Variants in MTHFD1L observed in about 807,000 individuals in gnomAD.
MTHFD1L encodes methylenetetrahydrofolate dehydrogenase (NADP+ dependent) 1 like, also known as monofunctional C1-tetrahydrofolate synthase, mitochondrial.
MTHFD1L carries 81 observed loss-of-function variants against 119.5 expected under a neutral mutation model. The observed-to-expected ratio is 0.68, with a 90% CI of 0.57 to 0.82. The LOEUF (loss-of-function observed/expected upper bound fraction) is 0.82, where lower values mean the gene tolerates loss of function less well. MTHFD1L is among the 40% of genes least tolerant of loss of function. The probability of loss-of-function intolerance (pLI) is 0.00; values close to 1 mark genes in which losing one functional copy is unlikely to be tolerated. For missense variants in MTHFD1L, 1,125 were observed against 1,253.4 expected (o/e 0.90, Z 1.55); for synonymous variants, 430 against 475.2 (o/e 0.90, Z 1.24).
chr6:151,090,257 C>T (rs553730096), intron 26 of MTHFD1L, among the ~76,000 whole-genome samples: 3 of 152,336 alleles, frequency 2.0e-5, no homozygotes, highest in South Asian at 2.1e-4. Context: ...CCCTCCCCTT[C>T]GCTCTCACCA....
intron 26 of MTHFD1L, among the ~76,000 whole-genome samples, chr6:151,037,518 C>T (rs559705371): frequency 1.3e-5 from 2 of 152,264 alleles, no homozygotes; most frequent in East Asian, 1.9e-4. Context: ...TGCCCAGTCA[C>T]CCCAAGGGCT....
intron 20 of MTHFD1L, among the ~76,000 whole-genome samples, chr6:150,991,921 A>G (rs2128445569): frequency 6.6e-6 from 1 of 152,300 alleles, no homozygotes; most frequent in Middle Eastern, 3.4e-3. Context: ...GTGTTCAAGG[A>G]ATCAAAATAG....
At chr6:150,911,444 A>T (rs1424108372) in intron 8 of MTHFD1L, among the ~76,000 whole-genome samples, 1 of 152,198 alleles carries the variant, frequency 6.6e-6, no homozygotes, top group Non-Finnish European at 1.5e-5. Flanking sequence ...CCATTCTCAC[A>T]CTGCTATAAA....
At chr6:151,093,672 A>T (rs1278047545) in intron 27 of MTHFD1L, among the ~76,000 whole-genome samples, 3 of 151,378 alleles carry the variant, frequency 2.0e-5, no homozygotes, top group Non-Finnish European at 4.4e-5. Context: ...AAAAAAAATC[A>T]CTCTCACAGG....
intron 19 of MTHFD1L, among the ~76,000 whole-genome samples, chr6:150,967,469 A>G (rs1035761224): frequency 6.6e-6 from 1 of 152,186 alleles, no homozygotes; most frequent in African/African-American, 2.4e-5. Context: ...CTTGTTTGGA[A>G]TATCATGCAC....
At chr6:151,008,818 T>C (rs1781765281) in intron 20 of MTHFD1L, among the ~76,000 whole-genome samples, 1 of 152,124 alleles carries the variant, frequency 6.6e-6, no homozygotes. Flanking sequence ...TTATTCTTAA[T>C]ATAAAGGGTA....
chr6:151,038,523 C>T (rs554746585), intron 26 of MTHFD1L, among the ~76,000 whole-genome samples: 3 of 152,266 alleles, frequency 2.0e-5, no homozygotes, highest in African/African-American at 7.2e-5. Context: ...TCTCTACACA[C>T]TGGGGAGCCA....
At chr6:151,069,278 T>C (rs955446844) in intron 26 of MTHFD1L, among the ~76,000 whole-genome samples, 5 of 150,916 alleles carry the variant, frequency 3.3e-5, no homozygotes, top group African/African-American at 4.9e-5. Flanking sequence ...TCTCTCTCTC[T>C]CTCCCTCCCT....
chr6:151,021,932 T>C, intron 24 of MTHFD1L: 1 of 452,418 alleles, frequency 2.2e-6, no homozygotes. Context: ...TCTGTATCCT[T>C]CCTCTAGCCT....
intron 17 of MTHFD1L, among the ~76,000 whole-genome samples, chr6:150,956,920 A>G (rs1795730351): frequency 6.6e-6 from 1 of 152,154 alleles, no homozygotes; most frequent in South Asian, 2.1e-4. Context: ...TAACTTACAC[A>G]CACACACACA....
intron 11 of MTHFD1L, chr6:150,934,823 C>A: frequency 9.6e-7 from 1 of 1,038,768 alleles, no homozygotes; most frequent in Non-Finnish European, 1.4e-6. Context: ...GTGCTTATCC[C>A]TCGTAGAAAT....
chr6:150,927,334 ATTG>A (rs924485788), intron 11 of MTHFD1L, among the ~76,000 whole-genome samples: 1 of 151,906 alleles, frequency 6.6e-6, no homozygotes, highest in African/African-American at 2.4e-5. Flanking sequence ...CTCACATGCT[ATTG>A]TGTAAGCAAC....
intron 12 of MTHFD1L, 139 bp from the exon 13 acceptor site, chr6:150,938,560 T>G: frequency 1.3e-6 from 1 of 784,350 alleles, no homozygotes; most frequent in Non-Finnish European, 2.2e-6. Flanking sequence ...ACCATTAGTG[T>G]CTCTCACTGC....
At chr6:151,049,091 C>T (rs1788570267) in intron 26 of MTHFD1L, among the ~76,000 whole-genome samples, 1 of 152,144 alleles carries the variant, frequency 6.6e-6, no homozygotes, top group Admixed American at 6.5e-5. Context: ...CACGGTGGCT[C>T]ATGCCTGTAA....
rs370218879 is a variant in MTHFD1L, at chr6:151,076,817, A to G, written c.2848-15650A>G. Among the ~76,000 whole-genome samples the G allele has an allele frequency of 3.9e-5, 6 of 152,152 alleles. No homozygotes were observed. In the East Asian group the frequency reaches 1.2e-3, roughly 29 times the overall value. On this transcript the variant is annotated intron_variant, in intron 26 of 27. Transcript: ENST00000367321. The stretch of plus-strand genomic sequence containing the variant: ...AGTGCACCTGCCATATAGTCAAGAC[A>G]TTCTCTTTCTAAATATTTACCCAAG...
chr6:151,018,491 C>T (rs1783477016), intron 24 of MTHFD1L, among the ~76,000 whole-genome samples: 1 of 152,176 alleles, frequency 6.6e-6, no homozygotes, highest in Non-Finnish European at 1.5e-5. Flanking sequence ...TAGGTGGAAA[C>T]TGGTGATATC....
In MTHFD1L at chr6:150,882,762, A is replaced by G. The variant is rs1781579690; in HGVS notation, c.418A>G (p.Ile140Val). Reference protein sequence around the residue: ...CLPPDSSEAEIIDEILKINED... With the variant: ...CLPPDSSEAEVIDEILKINED... ...TTTTGTTTTTTTGTTTTCTCTTTAG[A>G]TTATAGATGAAATCTTAAAGATCAA... The change falls in exon 5 of 28, where the codon ATT (isoleucine) becomes GTT (valine). Residue 140 changes from isoleucine to valine, a missense_variant and splice_region_variant. Transcript: ENST00000367321. The G allele has an allele frequency of 2.0e-6, 3 of 1,490,390 alleles. No individual in the cohort carries two copies. In the East Asian group the frequency reaches 7.8e-5, roughly 39 times the overall value. 92.3% of individuals were successfully genotyped at this position (1,490,390 alleles called of 1,614,324 possible). A position where few individuals can be genotyped will look rare whatever the true frequency, so the allele number is the denominator to read the frequency against.
intron 27 of MTHFD1L, among the ~76,000 whole-genome samples, chr6:151,096,045 A>G (rs1022750256): frequency 1.5e-4 from 23 of 152,146 alleles, no homozygotes; most frequent in African/African-American, 5.3e-4. Context: ...TATTACCCCA[A>G]CCTTTATGCC....
intron 26 of MTHFD1L, among the ~76,000 whole-genome samples, chr6:151,073,924 G>A (rs77668502): frequency 0.021 from 3,230 of 152,082 alleles, 90 homozygotes; most frequent in South Asian, 0.11. Flanking sequence ...TGGGCAAAAC[G>A]TTTTCAAATT....
Sources: gnomAD v4.1 joint callset for allele counts (sites outside exome capture counted in the v4.1 genomes callset) on GRCh38, gnomAD v4.1.1 for gene constraint, MANE v1.5 for transcripts, NCBI Gene and HGNC (gene_info 2026-07-23, HGNC 2026-07-21) for gene names.